Variants in CSGALNACT1 observed in about 807,000 individuals in gnomAD.
The protein encoded by CSGALNACT1 is chondroitin sulfate N-acetylgalactosaminyltransferase 1.
Under a neutral mutation model 51.0 loss-of-function variants are expected in CSGALNACT1, and 52 were observed. The observed-to-expected ratio is 1.02, with a 90% CI of 0.82 to 1.29. The LOEUF is 1.29. CSGALNACT1 is among the 50% of genes most tolerant of loss of function. CSGALNACT1 has a pLI of 0.00. For synonymous variants in CSGALNACT1, 341 were observed against 254.4 expected, an observed-to-expected ratio of 1.34 and a Z score of -3.24; for missense variants, 935 against 679.2, an observed-to-expected ratio of 1.38 and a Z score of -4.19.
intron 4 of CSGALNACT1, among the ~76,000 whole-genome samples, chr8:19,476,487 C>A (rs1007194115): frequency 2.0e-5 from 3 of 152,124 alleles, no homozygotes; most frequent in South Asian, 2.1e-4. Context: ...GGTGATCCAC[C>A]CACCTCACCC....
chr8:19,506,711 G>C (rs188739901), intron 3 of CSGALNACT1, among the ~76,000 whole-genome samples: 1 of 152,226 alleles, frequency 6.6e-6, no homozygotes, highest in Middle Eastern at 3.4e-3. Flanking sequence ...TTGTTGAAAA[G>C]AGCCTGGCTC....
intron 1 of CSGALNACT1, among the ~76,000 whole-genome samples, chr8:19,667,201 G>A (rs974724423): frequency 1.3e-5 from 2 of 150,578 alleles, no homozygotes; most frequent in Non-Finnish European, 3.0e-5. Context: ...TGGGTGGATC[G>A]CTTGAGCTCT....
intron 1 of CSGALNACT1, among the ~76,000 whole-genome samples, chr8:19,728,553 AT>A (rs79665555): frequency 0.17 from 25,189 of 152,024 alleles, 2,283 homozygotes; most frequent in Middle Eastern, 0.26. Flanking sequence ...TTATAATCCT[AT>A]TTGCACAGAC....
intron 1 of CSGALNACT1, among the ~76,000 whole-genome samples, chr8:19,667,059 G>GA (rs1244072830): frequency 8.5e-6 from 1 of 117,976 alleles, no homozygotes; most frequent in African/African-American, 3.2e-5. Context: ...AAGAAAGAAA[G>GA]AAAGAAAGAA....
At chr8:19,675,914 C>G (rs111579702) in intron 1 of CSGALNACT1, among the ~76,000 whole-genome samples, 80 of 151,992 alleles carry the variant, frequency 5.3e-4, no homozygotes, top group Non-Finnish European at 7.6e-4. Flanking sequence ...AGATTCACAC[C>G]AGGGCCCAAA....
intron 3 of CSGALNACT1, among the ~76,000 whole-genome samples, chr8:19,574,076 G>A (rs1412481131): frequency 6.6e-6 from 1 of 152,156 alleles, no homozygotes. Context: ...GCACCATGAT[G>A]CCTGGCTGGT....
At chr8:19,676,091 C>CAAAA (rs1399173345) in intron 1 of CSGALNACT1, among the ~76,000 whole-genome samples, 2 of 113,008 alleles carry the variant, frequency 1.8e-5, no homozygotes, top group Non-Finnish European at 3.6e-5. Flanking sequence ...ATTTAAAAAA[C>CAAAA]AAAACAAAAC....
At chr8:19,727,665 C>T (rs10100391) in intron 1 of CSGALNACT1, among the ~76,000 whole-genome samples, 21,698 of 152,182 alleles carry the variant, frequency 0.14, 1,687 homozygotes, top group Middle Eastern at 0.17. Context: ...TCTATCAAGA[C>T]GGTGATATTC....
chr8:19,429,430 G>C (rs1200458618), intron 6 of CSGALNACT1, among the ~76,000 whole-genome samples: 1 of 149,220 alleles, frequency 6.7e-6, no homozygotes, highest in East Asian at 2.0e-4. Context: ...GCCTGCCTCA[G>C]CCTCCCAAAA....
At chr8:19,455,017 T>C (rs950369149) in intron 5 of CSGALNACT1, among the ~76,000 whole-genome samples, 6 of 152,204 alleles carry the variant, frequency 3.9e-5, no homozygotes, top group African/African-American at 1.4e-4. Flanking sequence ...ACTGACTTAT[T>C]CCCAGCTGGC....
upstream of CSGALNACT1, among the ~76,000 whole-genome samples, chr8:19,605,615 C>T (rs374339155): frequency 2.5e-4 from 38 of 152,092 alleles, no homozygotes; most frequent in African/African-American, 8.7e-4. Context: ...ACAGTAAGAA[C>T]CGAGTAAGAG....
rs181805112 is a variant in CSGALNACT1 at position 19,539,017 on chromosome 8, A to G, written c.-296-32887T>C. 7.9e-5 allele frequency among the ~76,000 whole-genome samples: 12 copies of G among 152,346 alleles called. 1 individual carries two copies. The highest frequency in any genetic ancestry group is 2.6e-4 in the African/African-American group (11 of 41,578). On this transcript the variant is annotated intron_variant, in intron 3 of 9. Coordinates refer to ENST00000454498, the Ensembl canonical transcript of CSGALNACT1. ...TTGTGCTGGGCATACAGGAGAAACT[A>G]CAACTTCACCACCAGACACTCTGTA...
At chr8:19,596,093 C>G (rs1393246519) in intron 2 of CSGALNACT1, among the ~76,000 whole-genome samples, 1 of 152,008 alleles carries the variant, frequency 6.6e-6, no homozygotes, top group African/African-American at 2.4e-5. Flanking sequence ...GTCTTGAACT[C>G]CTGAGCTCAA....
At chr8:19,574,928 G>A (rs371265356) in intron 3 of CSGALNACT1, among the ~76,000 whole-genome samples, 14 of 151,954 alleles carry the variant, frequency 9.2e-5, no homozygotes, top group Non-Finnish European at 1.6e-4. Context: ...TCAGCTACTC[G>A]GGAGGCTGAG....
upstream of CSGALNACT1, among the ~76,000 whole-genome samples, chr8:19,685,243 T>G (rs1199468678): frequency 2.0e-5 from 3 of 152,206 alleles, no homozygotes; most frequent in South Asian, 4.1e-4. Context: ...TCTTTTTATT[T>G]CTATTTTCTA....
At chr8:19,465,245 A>G (rs1279328339) in intron 4 of CSGALNACT1, among the ~76,000 whole-genome samples, 3 of 152,212 alleles carry the variant, frequency 2.0e-5, no homozygotes, top group Non-Finnish European at 4.4e-5. Context: ...CGCCAGTCAC[A>G]AAAAGACAAA....
Position 19,505,625 on chromosome 8 carries a change from G to A in CSGALNACT1, c.210C>T (p.Asn70=), listed in dbSNP as rs750763465. The change falls in exon 4 of 10, where the codon AAC becomes AAT. Residue 70 remains asparagine (N), a synonymous_variant. Transcript: ENST00000454498. ...TCTGCCGCTTCAGGCTGCTCACGTAGTTGCGGTGCTGCTCCTCCCACTCCT... is the reference window on the plus strand; with the variant it reads ...TCTGCCGCTTCAGGCTGCTCACGTAATTGCGGTGCTGCTCCTCCCACTCCT... The A allele has an allele frequency of 4.3e-6, 7 of 1,614,018 alleles. No homozygotes were observed. The African/African-American group carries it at 6.7e-5, about 15-fold the overall frequency.
intron 3 of CSGALNACT1, among the ~76,000 whole-genome samples, chr8:19,531,137 G>C (rs1297410154): frequency 1.3e-5 from 2 of 152,188 alleles, no homozygotes; most frequent in African/African-American, 4.8e-5. Flanking sequence ...CAGGGAGCTT[G>C]AAACTCTTCA....
At chr8:19,521,922 A>T (rs1045955947) in intron 3 of CSGALNACT1, among the ~76,000 whole-genome samples, 2 of 152,200 alleles carry the variant, frequency 1.3e-5, no homozygotes, top group African/African-American at 4.8e-5. Context: ...TCGTGGTAAG[A>T]CTTCATGTGT....
Sources: allele counts gnomAD v4.1 joint callset (sites outside exome capture counted in the v4.1 genomes callset), GRCh38; gene constraint gnomAD v4.1.1; transcripts MANE v1.5; gene names NCBI Gene and HGNC (gene_info 2026-07-23, HGNC 2026-07-21).